Variants in ANKFN1 observed in about 807,000 individuals in gnomAD.
The protein encoded by ANKFN1 is ankyrin repeat and fibronectin type III domain containing 1.
ANKFN1 carries 74 observed loss-of-function variants against 108.7 expected under a neutral mutation model. The observed-to-expected ratio is 0.68, with a 90% CI of 0.56 to 0.83. The LOEUF (loss-of-function observed/expected upper bound fraction) is 0.83, where lower values mean the gene tolerates loss of function less well. Among genes scored for constraint, ANKFN1 ranks in the 40% least tolerant of loss-of-function variants. ANKFN1 has a pLI of 0.00. For synonymous variants in ANKFN1, 547 were observed against 516.2 expected (o/e 1.06, Z -0.81); for missense variants, 1,505 against 1,382.3 (o/e 1.09, Z -1.41).
chr17:56,189,179 T>TTTTTTTTTTTTTGTTTTTG lies in ANKFN1; in HGVS notation c.-70-23410_-70-23409insTTTGTTTTTGTTTTTTTTT, dbSNP rs1244013476. Among the ~76,000 whole-genome samples the TTTTTTTTTTTTTGTTTTTG allele has an allele frequency of 3.6e-5, 4 of 111,400 alleles. No individual in the cohort carries two copies. In the East Asian group the frequency reaches 8.7e-4, roughly 24 times the overall value. The allele number at this position is 111,400 out of a possible 152,430, so 73.1% of individuals were successfully genotyped here. A position where few individuals can be genotyped will look rare whatever the true frequency, so the allele number is the denominator to read the frequency against. On this transcript the variant is annotated intron_variant, in intron 1 of 20. Transcript: ENST00000682825. ...GTAAATGTTGCCCTGACTTTTTTTT[T>TTTTTTTTTTTTTGTTTTTG]TTTTTTTTTGAGACGGAGTCTCGCT... is the stretch of plus-strand genomic sequence containing the variant.
At position 56,516,165 on chromosome 17, in the gene ANKFN1, T is replaced by C. The variant is rs1444446962; in HGVS notation, c.*4896T>C. ...ATTATAGTAAGTCACTCTGAGTCGCTGTATTGCCTCTTGCCTTGTGAAAAT... is the reference window on the plus strand; with the variant it reads ...ATTATAGTAAGTCACTCTGAGTCGCCGTATTGCCTCTTGCCTTGTGAAAAT... On this transcript the variant is annotated 3_prime_UTR_variant, in exon 21 of 21. Coordinates refer to ENST00000682825, the MANE Select transcript of ANKFN1 (RefSeq NM_001370326.1). Among the ~76,000 whole-genome samples the C allele has an allele frequency of 6.6e-6, 1 of 152,150 alleles. No homozygotes were observed. Among genetic ancestry groups the C allele is most frequent in the African/African-American group, 2.4e-5 (1 of 41,438 alleles).
At chr17:56,271,569 G>T (rs1365472647) in intron 3 of ANKFN1, among the ~76,000 whole-genome samples, 2 of 152,210 alleles carry the variant, frequency 1.3e-5, no homozygotes, top group Non-Finnish European at 2.9e-5. Flanking sequence ...CCCCATTTCT[G>T]TCTTGGATAA....
At chr17:56,282,800 G>A (rs1039223040) in intron 3 of ANKFN1, among the ~76,000 whole-genome samples, 2 of 151,614 alleles carry the variant, frequency 1.3e-5, no homozygotes, top group African/African-American at 4.8e-5. Flanking sequence ...ACAAAGTGTT[G>A]GCACATTCAC....
At chr17:56,189,211 C>G (rs972729219) in intron 1 of ANKFN1, among the ~76,000 whole-genome samples, 3 of 105,984 alleles carry the variant, frequency 2.8e-5, no homozygotes, top group Non-Finnish European at 5.0e-5. Flanking sequence ...CGCTCTGTCG[C>G]CCAGGCTGGA....
intron 3 of ANKFN1, among the ~76,000 whole-genome samples, chr17:56,266,629 C>CTAT (rs113409359): frequency 0.016 from 2,376 of 152,242 alleles, 55 homozygotes; most frequent in African/African-American, 0.054. Context: ...CTACAAGGAG[C>CTAT]TATAATTGCA....
chr17:56,161,767 A>T (rs1045397350), intron 1 of ANKFN1, among the ~76,000 whole-genome samples: 16 of 144,442 alleles, frequency 1.1e-4, no homozygotes, highest in Non-Finnish European at 1.8e-4. Context: ...AGATTTCAGT[A>T]AAAAAAAAAA....
At chr17:56,289,283 T>C (rs558755373) in intron 3 of ANKFN1, among the ~76,000 whole-genome samples, 5 of 152,266 alleles carry the variant, frequency 3.3e-5, no homozygotes, top group Admixed American at 2.0e-4. Context: ...AGAAGTTGCT[T>C]TGTAGACTCA....
chr17:56,112,869 T>C (rs1473377217), intron 4 of ANKFN1, among the ~76,000 whole-genome samples: 1 of 152,232 alleles, frequency 6.6e-6, no homozygotes, highest in Non-Finnish European at 1.5e-5. Flanking sequence ...ATAACAAATA[T>C]GTATCAGATA....
chr17:56,295,514 C>T (rs1461456170), intron 3 of ANKFN1, among the ~76,000 whole-genome samples: 1 of 152,130 alleles, frequency 6.6e-6, no homozygotes, highest in Non-Finnish European at 1.5e-5. Context: ...AACAATCCCT[C>T]CAGATGATTC....
chr17:56,269,023 C>T lies in ANKFN1; in HGVS notation c.53+41066C>T, dbSNP rs1056947341. ...TGCACCTTATTCTATCAGGTACAGG[C>T]ATCCTGGCAGTTTTTTGGGGGTAGT... On this transcript the variant is annotated intron_variant, in intron 3 of 20. Transcript: ENST00000682825. Among the ~76,000 whole-genome samples, 10 of 152,188 alleles carry T rather than the reference C, an allele frequency of 6.6e-5. No individual in the cohort carries two copies. In the East Asian group the frequency reaches 1.7e-3, roughly 26 times the overall value.
intron 4 of ANKFN1, among the ~76,000 whole-genome samples, chr17:56,060,605 A>G (rs1013948602): frequency 2.0e-5 from 3 of 152,176 alleles, no homozygotes; most frequent in Non-Finnish European, 2.9e-5. Flanking sequence ...GATATTTTCC[A>G]TCAATACCTA....
chr17:56,158,920 T>C (rs1909361503), intron 1 of ANKFN1, among the ~76,000 whole-genome samples: 1 of 150,686 alleles, frequency 6.6e-6, no homozygotes, highest in Non-Finnish European at 1.5e-5. Context: ...AGTAAACTAA[T>C]ATAGAATTGC....
intron 3 of ANKFN1, among the ~76,000 whole-genome samples, chr17:56,266,618 C>G (rs1477922259): frequency 6.6e-6 from 1 of 151,924 alleles, no homozygotes; most frequent in Non-Finnish European, 1.5e-5. Flanking sequence ...TGTAGACATT[C>G]CTACAAGGAG....
At chr17:56,189,038 C>T (rs1231017145) in intron 1 of ANKFN1, among the ~76,000 whole-genome samples, 1 of 151,960 alleles carries the variant, frequency 6.6e-6, no homozygotes, top group Non-Finnish European at 1.5e-5. Flanking sequence ...GAGGGTGGTG[C>T]ATCTCGAGGC....
chr17:56,180,486 C>T (rs564041817), intron 1 of ANKFN1, among the ~76,000 whole-genome samples: 6 of 152,104 alleles, frequency 3.9e-5, no homozygotes, highest in Non-Finnish European at 5.9e-5. Flanking sequence ...GCAGTTAAAA[C>T]GAACTTTATT....
intron 4 of ANKFN1, among the ~76,000 whole-genome samples, chr17:56,057,565 C>T (rs900550129): frequency 5.9e-5 from 9 of 152,242 alleles, no homozygotes; most frequent in Admixed American, 5.9e-4. Context: ...GCGGGCAGAT[C>T]ACTTGAGGTC....
At chr17:56,413,826 T>C (rs943921910) in intron 8 of ANKFN1, among the ~76,000 whole-genome samples, 1 of 152,058 alleles carries the variant, frequency 6.6e-6, no homozygotes, top group African/African-American at 2.4e-5. Flanking sequence ...TTCAAGCGAT[T>C]CTCCTTCCTC....
intron 3 of ANKFN1, among the ~76,000 whole-genome samples, chr17:56,293,253 G>A (rs979637182): frequency 1.3e-5 from 2 of 152,132 alleles, no homozygotes; most frequent in African/African-American, 4.8e-5. Flanking sequence ...AAGATCTACT[G>A]CATGCCAGGC....
intron 4 of ANKFN1, among the ~76,000 whole-genome samples, chr17:56,129,487 T>TAA (rs11285113): frequency 8.2e-5 from 12 of 146,316 alleles, no homozygotes; most frequent in African/African-American, 2.5e-4. Flanking sequence ...AACCACTCCA[T>TAA]AAAAAAAAAA....
Sources: gnomAD v4.1 joint callset for allele counts (sites outside exome capture counted in the v4.1 genomes callset) on GRCh38, gnomAD v4.1.1 for gene constraint, MANE v1.5 for transcripts, NCBI Gene and HGNC (gene_info 2026-07-23, HGNC 2026-07-21) for gene names.